The following LMCD1 variants were observed in gnomAD, a reference collection of about 807,000 sequenced individuals.
LMCD1 encodes the protein LIM and cysteine rich domains 1, also known as LIM and cysteine-rich domains protein 1.
In LMCD1, 32 loss-of-function variants were observed where a neutral mutation model predicts 42.7. That is an observed-to-expected ratio of 0.75 (90% CI 0.57 to 1.01). The LOEUF (loss-of-function observed/expected upper bound fraction) is 1.01. Ranked by LOEUF, LMCD1 falls within the 50% of genes least tolerant of loss-of-function variation. The probability of loss-of-function intolerance (pLI) is 0.00; values close to 1 mark genes in which losing one functional copy is unlikely to be tolerated. For missense variants in LMCD1, 458 were observed against 483.1 expected (o/e 0.95, Z 0.49); for synonymous variants, 178 against 184.9 (o/e 0.96, Z 0.30).
At chr3:8,525,141 C>T (rs1484051666) in intron 1 of LMCD1, among the ~76,000 whole-genome samples, 1 of 152,206 alleles carries the variant, frequency 6.6e-6, no homozygotes, top group Admixed American at 6.5e-5. Context: ...ATCTCCAGAA[C>T]TTACTCATCC....
At chr3:8,538,475 A>G (rs1694553549) in intron 3 of LMCD1, among the ~76,000 whole-genome samples, 1 of 152,194 alleles carries the variant, frequency 6.6e-6, no homozygotes. Context: ...GGAGCCCTTC[A>G]TGGCCCTATC....
intron 2 of LMCD1, 87 bp downstream of exon 2, chr3:8,532,912 C>T: frequency 1.8e-6 from 2 of 1,086,918 alleles, no homozygotes. Flanking sequence ...TTCGCTGAGA[C>T]TGCTTTGGTT....
Position 8,572,986 on chromosome 3 carries a change from T to TA in LMCD1, c.*5391dup, listed in dbSNP as rs1447794176. ...AGCTTTCCATGATGCTGCTTAGAGTTAAACAGAGCCCAGGTACTAAGTTAT... is the reference window on the plus strand; with the variant it reads ...AGCTTTCCATGATGCTGCTTAGAGTTAAAACAGAGCCCAGGTACTAAGTTAT... On this transcript the variant is annotated 3_prime_UTR_variant, in exon 6 of 6. Coordinates refer to ENST00000157600, the MANE Select transcript of LMCD1 (RefSeq NM_014583.4). 6 of 152,218 alleles carry TA rather than the reference T, an allele frequency of 3.9e-5. No homozygotes were observed. Among genetic ancestry groups the TA allele is most frequent in the African/African-American group, 1.4e-4 (6 of 41,460 alleles). 9.4% of individuals were successfully genotyped at this position (152,218 alleles called of 1,614,324 possible). A position where few individuals can be genotyped will look rare whatever the true frequency, so the allele number is the denominator to read the frequency against.
intron 4 of LMCD1, among the ~76,000 whole-genome samples, chr3:8,554,011 G>A (rs1245447001): frequency 6.6e-6 from 1 of 152,272 alleles, no homozygotes; most frequent in African/African-American, 2.4e-5. Context: ...AAACTGTGAG[G>A]CTGCAGCAGG....
rs1695228063 is a variant in LMCD1, at chr3:8,572,009, C to T, written c.*4411C>T. The T allele has an allele frequency of 6.6e-6, 1 of 152,194 alleles. No homozygotes were observed. Among genetic ancestry groups the T allele is most frequent in the Non-Finnish European group, 1.5e-5 (1 of 68,018 alleles). The allele number at this position is 152,194 out of a possible 1,614,324, so 9.4% of individuals were successfully genotyped here. On this transcript the variant is annotated 3_prime_UTR_variant, in exon 6 of 6. Coordinates refer to ENST00000157600, the MANE Select transcript of LMCD1 (RefSeq NM_014583.4). ...TCCTCAGATCCAATTCAAGTGTCAC[C>T]AGCTGTCCCAATAATGTCTTTTATA... is the stretch of plus-strand genomic sequence containing the variant.
intron 1 of LMCD1, among the ~76,000 whole-genome samples, chr3:8,519,097 C>T (rs915992213): frequency 6.6e-6 from 1 of 152,110 alleles, no homozygotes; most frequent in African/African-American, 2.4e-5. Context: ...GGTAATAGAG[C>T]AATGAACTAG....
intron 3 of LMCD1, among the ~76,000 whole-genome samples, chr3:8,541,304 C>G (rs1009623083): frequency 6.6e-6 from 1 of 152,164 alleles, no homozygotes; most frequent in African/African-American, 2.4e-5. Flanking sequence ...AATCCTAGCA[C>G]TTTGGGAAGC....
chr3:8,553,276 C>G (rs1264990215), intron 4 of LMCD1, among the ~76,000 whole-genome samples: 3 of 152,308 alleles, frequency 2.0e-5, no homozygotes, highest in Admixed American at 6.5e-5. Context: ...GGGGGACGTC[C>G]TTCCTCTGAG....
chr3:8,568,702 T>C lies in LMCD1; in HGVS notation c.*1104T>C, dbSNP rs1695168464. ...GAATAGGTCTTTGGGCCAAATTGTA[T>C]CTCCATTTTATGGTCTCTCTGAACA... On this transcript the variant is annotated 3_prime_UTR_variant, in exon 6 of 6. Transcript: ENST00000157600. 1 of 152,224 alleles carries C rather than the reference T, an allele frequency of 6.6e-6. No homozygotes were observed. The highest frequency in any genetic ancestry group is 2.1e-4 in the South Asian group (1 of 4,834). The allele number at this position is 152,224 out of a possible 1,614,324, so 9.4% of individuals were successfully genotyped here.
chr3:8,526,932 G>A (rs1694313062), intron 1 of LMCD1, among the ~76,000 whole-genome samples: 1 of 152,198 alleles, frequency 6.6e-6, no homozygotes, highest in African/African-American at 2.4e-5. Flanking sequence ...CAAAATCCCA[G>A]AGTTTGCGTG....
At chr3:8,518,145 C>G (rs1694131975) in intron 1 of LMCD1, among the ~76,000 whole-genome samples, 1 of 152,126 alleles carries the variant, frequency 6.6e-6, no homozygotes, top group Non-Finnish European at 1.5e-5. Flanking sequence ...CAACACTAAG[C>G]TCCAACATGC....
intron 1 of LMCD1, among the ~76,000 whole-genome samples, chr3:8,514,112 C>T (rs1694053939): frequency 6.6e-6 from 1 of 151,912 alleles, no homozygotes; most frequent in African/African-American, 2.4e-5. Context: ...TAGATACATA[C>T]ATACATACAT....
At chr3:8,540,463 G>C (rs185237470) in intron 3 of LMCD1, among the ~76,000 whole-genome samples, 76 of 152,352 alleles carry the variant, frequency 5.0e-4, no homozygotes, top group African/African-American at 1.7e-3. Context: ...GGCTCAGAGA[G>C]ATGATGCAAC....
chr3:8,542,894 T>G (rs1204672274), intron 3 of LMCD1, among the ~76,000 whole-genome samples: 1 of 152,178 alleles, frequency 6.6e-6, no homozygotes, highest in African/African-American at 2.4e-5. Context: ...GAAGAGTGCC[T>G]GGATCATAGC....
In LMCD1 at chr3:8,565,526, T is replaced by TTG; in HGVS notation, c.825_826dup (p.Ala276ValfsTer40). 1 of 1,614,106 alleles carries TTG rather than the reference T, an allele frequency of 6.2e-7. No individual in the cohort carries two copies. Among genetic ancestry groups the TTG allele is most frequent in the Non-Finnish European group, 8.5e-7 (1 of 1,179,990 alleles). On this transcript the variant is annotated frameshift_variant, in exon 5 of 6. Transcript: ENST00000157600. LOFTEE classifies it high-confidence loss of function. ...AACAAGCAGTGGCACCCCACCTGCTTTGTGTGTGCCAAGTGCTCCGAGCCG... is the reference window on the plus strand; with the variant it reads ...AACAAGCAGTGGCACCCCACCTGCTTTGTGTGTGTGCCAAGTGCTCCGAGCCG...
chr3:8,510,051 C>T (rs1223130259), intron 1 of LMCD1, among the ~76,000 whole-genome samples: 1 of 152,186 alleles, frequency 6.6e-6, no homozygotes, highest in Admixed American at 6.5e-5. Flanking sequence ...CACCAAAGGG[C>T]AGGAGCATAG....
At chr3:8,519,148 A>G (rs143089791) in intron 1 of LMCD1, among the ~76,000 whole-genome samples, 284 of 152,358 alleles carry the variant, frequency 1.9e-3, no homozygotes, top group African/African-American at 6.4e-3. Flanking sequence ...ACAGTCTAGC[A>G]GGAAACAATG....
chr3:8,530,386 C>A (rs568085465), intron 1 of LMCD1, among the ~76,000 whole-genome samples: 4 of 152,222 alleles, frequency 2.6e-5, no homozygotes, highest in African/African-American at 9.6e-5. Context: ...CCCGCATCAC[C>A]GGCGAGTGCT....
chr3:8,559,876 G>C (rs1694999166), intron 4 of LMCD1, among the ~76,000 whole-genome samples: 2 of 152,000 alleles, frequency 1.3e-5, no homozygotes, highest in South Asian at 4.2e-4. Context: ...TAATGATACT[G>C]TTTGCTTAAA....
Sources: allele counts gnomAD v4.1 joint callset (sites outside exome capture counted in the v4.1 genomes callset), GRCh38; gene constraint gnomAD v4.1.1; transcripts MANE v1.5; gene names NCBI Gene and HGNC (gene_info 2026-07-23, HGNC 2026-07-21).